Variants in FREM1 observed in about 807,000 individuals in gnomAD.
The protein encoded by FREM1 is FRAS1-related extracellular matrix protein 1.
In FREM1, 220 loss-of-function variants were observed where a neutral mutation model predicts 210.1. That is an observed-to-expected ratio of 1.05 (90% CI 0.94 to 1.17). The LOEUF (loss-of-function observed/expected upper bound fraction) is 1.17, where lower values mean the gene tolerates loss of function less well. Ranked by LOEUF, FREM1 falls within the 50% of genes most tolerant of loss-of-function variation. FREM1 has a pLI of 0.00. For synonymous variants in FREM1, 1,189 were observed against 980.2 expected (o/e 1.21, Z -3.98); for missense variants, 3,454 against 2,675.5 (o/e 1.29, Z -6.42).
intron 7 of FREM1, 146 bp downstream of exon 7, chr9:14,848,519 A>G (rs1167733534): frequency 2.6e-6 from 1 of 389,056 alleles, no homozygotes; most frequent in Non-Finnish European, 4.6e-6. Flanking sequence ...CAACAACAAA[A>G]GCTACTATGT....
chr9:14,796,904 G>T (rs1852509663), intron 21 of FREM1, among the ~76,000 whole-genome samples: 1 of 152,176 alleles, frequency 6.6e-6, no homozygotes, highest in Admixed American at 6.5e-5. Context: ...AATACAGGGA[G>T]ATACTGAGAA....
chr9:14,782,164 T>C (rs1038111209), intron 24 of FREM1, among the ~76,000 whole-genome samples: 9 of 152,250 alleles, frequency 5.9e-5, no homozygotes, highest in African/African-American at 2.2e-4. Context: ...GTTGCCTCTC[T>C]GGGGTAAGGC....
At chr9:14,758,183 C>A (rs1270740889) in intron 28 of FREM1, among the ~76,000 whole-genome samples, 1 of 152,166 alleles carries the variant, frequency 6.6e-6, no homozygotes, top group Non-Finnish European at 1.5e-5. Flanking sequence ...AGGTTGTGCT[C>A]AGGGTAGAGT....
chr9:14,906,439 G>C (rs1392752553), intron 1 of FREM1, among the ~76,000 whole-genome samples: 2 of 152,182 alleles, frequency 1.3e-5, no homozygotes, highest in Non-Finnish European at 2.9e-5. Flanking sequence ...ATGTAAAACA[G>C]AATTAAAGTA....
rs1168610102 is a variant in FREM1, at chr9:14,770,611, T to A, written c.5053A>T (p.Thr1685Ser). ...GPKHGHLENTTTGEFIHEKFS... is the reference protein window; with the variant it reads ...GPKHGHLENTSTGEFIHEKFS... ...GGATTAAGGAGGCCAGTACCTGTTGTTGTGTTCTCCAGATGTCCATGTTTT... is the reference window on the plus strand; with the variant it reads ...GGATTAAGGAGGCCAGTACCTGTTGATGTGTTCTCCAGATGTCCATGTTTT... Residue 1685 changes from threonine (T) to serine (S), a missense_variant, in exon 26 of 37, where the codon ACA becomes TCA. Thr to Ser is a moderately conservative substitution (Grantham distance 58). Coordinates refer to ENST00000380880, the MANE Select transcript of FREM1 (RefSeq NM_001379081.2). 6.2e-7 allele frequency: 1 copy of A among 1,610,842 alleles called. No individual in the cohort carries two copies. Among genetic ancestry groups the A allele is most frequent in the Admixed American group, 1.7e-5 (1 of 59,994 alleles).
intron 25 of FREM1, among the ~76,000 whole-genome samples, chr9:14,774,516 TC>T (rs1848208323): frequency 2.4e-4 from 1 of 4,130 alleles, no homozygotes; most frequent in Non-Finnish European, 6.6e-4. Flanking sequence ...AATAAATCTC[TC>T]TCTCTCTCTC....
At chr9:14,760,762 C>G (rs1845343601) in intron 27 of FREM1, among the ~76,000 whole-genome samples, 2 of 152,158 alleles carry the variant, frequency 1.3e-5, no homozygotes, top group East Asian at 3.9e-4. Context: ...CATTTCTCTC[C>G]CCAACTGAAG....
chr9:14,866,916 G>C (rs969941185), intron 2 of FREM1, among the ~76,000 whole-genome samples: 2 of 151,724 alleles, frequency 1.3e-5, no homozygotes, highest in Non-Finnish European at 2.9e-5. Flanking sequence ...CTGGAGTGTA[G>C]TGGCACTATC....
chr9:14,837,092 G>A (rs1003058640), intron 10 of FREM1, among the ~76,000 whole-genome samples: 6 of 152,104 alleles, frequency 3.9e-5, no homozygotes, highest in Admixed American at 2.0e-4. Flanking sequence ...CTTGCCCTTG[G>A]CCCATATGCT....
At chr9:14,759,566 T>G (rs1313130620) in intron 28 of FREM1, among the ~76,000 whole-genome samples, 1 of 142,902 alleles carries the variant, frequency 7.0e-6, no homozygotes, top group African/African-American at 2.6e-5. Flanking sequence ...ACACGTACAC[T>G]AAAAAATCAT....
chr9:14,895,579 T>A (rs1487019061), intron 1 of FREM1, among the ~76,000 whole-genome samples: 1 of 152,056 alleles, frequency 6.6e-6, no homozygotes. Context: ...TCATGAAAAA[T>A]CTTCTAATTT....
intron 36 of FREM1, 56 bp downstream of exon 36, chr9:14,740,093 G>C: frequency 1.7e-6 from 2 of 1,171,408 alleles, no homozygotes. Flanking sequence ...GGTGGTGCCT[G>C]TTTGTTTCAT....
At chr9:14,875,036 C>T (rs970088113) in intron 1 of FREM1, among the ~76,000 whole-genome samples, 40 of 152,142 alleles carry the variant, frequency 2.6e-4, no homozygotes, top group African/African-American at 9.4e-4. Flanking sequence ...CCGAGAGATC[C>T]GCTGTTAGTC....
At chr9:14,841,633 C>G in intron 9 of FREM1, 44 bp from the exon 10 acceptor site, 1 of 1,451,100 alleles carries the variant, frequency 6.9e-7, no homozygotes, top group Non-Finnish European at 9.2e-7. Flanking sequence ...ACAAGCCTAT[C>G]AAATATCGAG....
chr9:14,875,101 T>A (rs1399300511), intron 1 of FREM1, among the ~76,000 whole-genome samples: 1 of 152,178 alleles, frequency 6.6e-6, no homozygotes, highest in African/African-American at 2.4e-5. Context: ...GCCCTTAACA[T>A]TTTTTCCTTC....
chr9:14,904,442 G>C (rs1403280807), intron 1 of FREM1, among the ~76,000 whole-genome samples: 1 of 152,238 alleles, frequency 6.6e-6, no homozygotes, highest in Non-Finnish European at 1.5e-5. Flanking sequence ...CACTGAGCCA[G>C]TAAGTTAGCT....
At chr9:14,829,098 C>T (rs1192533756) in intron 10 of FREM1, among the ~76,000 whole-genome samples, 1 of 152,158 alleles carries the variant, frequency 6.6e-6, no homozygotes, top group Non-Finnish European at 1.5e-5. Flanking sequence ...TCTGTATCTC[C>T]ACAACATCTA....
chr9:14,792,645 G>A (rs930606631), intron 22 of FREM1, 98 bp downstream of exon 22: 3 of 915,458 alleles, frequency 3.3e-6, no homozygotes, highest in African/African-American at 1.7e-5. Flanking sequence ...GCAAATATAT[G>A]TCTATCAGAG....
intron 23 of FREM1, among the ~76,000 whole-genome samples, chr9:14,787,802 C>T (rs1850646085): frequency 6.6e-6 from 1 of 152,100 alleles, no homozygotes; most frequent in African/African-American, 2.4e-5. Context: ...TTACGATTTG[C>T]CTGGACATAC....
Sources: allele counts gnomAD v4.1 joint callset (sites outside exome capture counted in the v4.1 genomes callset), GRCh38; gene constraint gnomAD v4.1.1; transcripts MANE v1.5; gene names NCBI Gene and HGNC (gene_info 2026-07-23, HGNC 2026-07-21).